The following CENPW variants were observed in gnomAD, a reference collection of about 807,000 sequenced individuals.
CENPW encodes the protein centromere protein W, also known as cancer-up-regulated gene 2 protein.
A neutral mutation model predicts 11.1 loss-of-function variants in CENPW; 3 were observed. The observed-to-expected ratio is 0.27, with a 90% CI of 0.12 to 0.70. The LOEUF is 0.70. CENPW is among the 30% of genes least tolerant of loss of function. The pLI is 0.77. For synonymous variants in CENPW, 38 were observed against 42.0 expected (o/e 0.91, Z 0.37); for missense variants, 100 against 105.6 (o/e 0.95, Z 0.23).
chr6:126,427,645 T>C, the CENPW span, among the ~76,000 whole-genome samples: 1 of 152,246 alleles, frequency 6.6e-6, no homozygotes, highest in African/African-American at 2.4e-5. Context: ...ATCTTTATTA[T>C]ATTATGCATT....
the CENPW span, among the ~76,000 whole-genome samples, chr6:126,363,756 C>T: frequency 6.6e-6 from 1 of 152,170 alleles, no homozygotes; most frequent in South Asian, 2.1e-4. Context: ...AAGAAAATCT[C>T]CTATCAACCT....
downstream of CENPW, among the ~76,000 whole-genome samples, chr6:126,353,318 T>G (rs139401176): frequency 2.2e-4 from 33 of 151,982 alleles, no homozygotes; most frequent in African/African-American, 7.7e-4. Context: ...CTTTTTTTTC[T>G]GATAGAATAT....
the CENPW span, among the ~76,000 whole-genome samples, chr6:126,394,475 A>AT: frequency 1.3e-5 from 2 of 152,026 alleles, no homozygotes; most frequent in Non-Finnish European, 2.9e-5. Context: ...TTGTGTCTAT[A>AT]TCTTATTTTA....
At chr6:126,444,127 T>A in the CENPW span, among the ~76,000 whole-genome samples, 4 of 151,000 alleles carry the variant, frequency 2.6e-5, no homozygotes, top group African/African-American at 7.3e-5. Flanking sequence ...AATTTTTTTT[T>A]AAAAGTTATT....
the CENPW span, among the ~76,000 whole-genome samples, chr6:126,413,452 A>G: frequency 6.6e-6 from 1 of 152,166 alleles, no homozygotes; most frequent in Non-Finnish European, 1.5e-5. Flanking sequence ...CTGAATGAAA[A>G]CAAAAGCCAA....
At chr6:126,374,819 G>T in the CENPW span, among the ~76,000 whole-genome samples, 2 of 152,114 alleles carry the variant, frequency 1.3e-5, no homozygotes, top group African/African-American at 4.8e-5. Flanking sequence ...TATATGAGTA[G>T]CTCAATACAG....
the CENPW span, among the ~76,000 whole-genome samples, chr6:126,365,446 T>C: frequency 6.6e-6 from 1 of 152,116 alleles, no homozygotes; most frequent in South Asian, 2.1e-4. Flanking sequence ...GCACATCTTA[T>C]ATGACCAGTG....
At chr6:126,377,882 A>G in the CENPW span, among the ~76,000 whole-genome samples, 1 of 137,542 alleles carries the variant, frequency 7.3e-6, no homozygotes, top group Non-Finnish European at 1.6e-5. Flanking sequence ...CAACTAGAGG[A>G]AGTTTTGTGA....
the CENPW span, among the ~76,000 whole-genome samples, chr6:126,474,218 A>G: frequency 5.3e-5 from 8 of 152,028 alleles, no homozygotes; most frequent in Non-Finnish European, 1.2e-4. Context: ...GATTGGGAAC[A>G]AGGCAAAGAT....
At chr6:126,348,414 T>G in intron 2 of CENPW, 52 bp from the exon 3 acceptor site, 1 of 957,084 alleles carries the variant, frequency 1.0e-6, no homozygotes, top group Non-Finnish European at 1.7e-6. Context: ...TAAGGAATGA[T>G]GTTTTATTTT....
the CENPW span, among the ~76,000 whole-genome samples, chr6:126,400,749 C>CT: frequency 1.3e-5 from 2 of 151,912 alleles, no homozygotes; most frequent in African/African-American, 4.8e-5. Flanking sequence ...TATATTTTCA[C>CT]TTTAAGTAAT....
the CENPW span, among the ~76,000 whole-genome samples, chr6:126,448,881 G>T: frequency 6.6e-6 from 1 of 151,070 alleles, no homozygotes; most frequent in African/African-American, 2.4e-5. Flanking sequence ...CCAATGAAGT[G>T]TTCATATATA....
chr6:126,442,886 C>A, the CENPW span, among the ~76,000 whole-genome samples: 23 of 151,086 alleles, frequency 1.5e-4, no homozygotes, highest in Non-Finnish European at 1.0e-4. Context: ...TAGACTAGAC[C>A]TCGTTTGACA....
the CENPW span, among the ~76,000 whole-genome samples, chr6:126,456,552 CT>C: frequency 1.3e-5 from 2 of 151,298 alleles, no homozygotes; most frequent in Non-Finnish European, 3.0e-5. Context: ...CAAAAATCAT[CT>C]TGTGATACAT....
At chr6:126,343,419 TA>T (rs1423300978) in intron 1 of CENPW, among the ~76,000 whole-genome samples, 1 of 152,188 alleles carries the variant, frequency 6.6e-6, no homozygotes, top group East Asian at 1.9e-4. Context: ...GGGACAGAAC[TA>T]ATAGGATAGA....
chr6:126,358,139 A>G, the CENPW span, among the ~76,000 whole-genome samples: 2 of 152,206 alleles, frequency 1.3e-5, no homozygotes, highest in African/African-American at 2.4e-5. Context: ...TTTTCCAGGT[A>G]TAGAATCATA....
At chr6:126,357,930 C>T in the CENPW span, among the ~76,000 whole-genome samples, 2 of 152,122 alleles carry the variant, frequency 1.3e-5, no homozygotes, top group Admixed American at 1.3e-4. Context: ...GGATCTTTCA[C>T]CTCTTTGGTT....
At chr6:126,453,442 A>G in the CENPW span, among the ~76,000 whole-genome samples, 1 of 151,230 alleles carries the variant, frequency 6.6e-6, no homozygotes, top group Admixed American at 6.6e-5. Flanking sequence ...AAGAATTTCA[A>G]ATCCAGCCAA....
chr6:126,438,043 GA>G, the CENPW span, among the ~76,000 whole-genome samples: 1 of 151,054 alleles, frequency 6.6e-6, no homozygotes, highest in Non-Finnish European at 1.5e-5. Flanking sequence ...TTCCAACAGA[GA>G]GACCTTTAAA....
Sources: gnomAD v4.1 joint callset for allele counts (sites outside exome capture counted in the v4.1 genomes callset) on GRCh38, gnomAD v4.1.1 for gene constraint, MANE v1.5 for transcripts, NCBI Gene and HGNC (gene_info 2026-07-23, HGNC 2026-07-21) for gene names.